Variants in ERC2 observed in about 807,000 individuals in gnomAD.
ERC2 encodes ERC protein 2.
A neutral mutation model predicts 114.8 loss-of-function variants in ERC2; 42 were observed. The ratio of observed to expected loss-of-function variants is 0.37; its 90% CI spans 0.29 to 0.47. The LOEUF is 0.47. Ranked by LOEUF, ERC2 falls within the 20% of genes least tolerant of loss-of-function variation. The probability of loss-of-function intolerance (pLI) is 0.99; values close to 1 mark genes in which losing one functional copy is unlikely to be tolerated. For synonymous variants in ERC2, 454 were observed against 425.5 expected, an observed-to-expected ratio of 1.07 and a Z score of -0.82; for missense variants, 939 against 1,150.7, an observed-to-expected ratio of 0.82 and a Z score of 2.66.
At chr3:56,026,500 G>A (rs2074060442) in intron 7 of ERC2, among the ~76,000 whole-genome samples, 1 of 152,148 alleles carries the variant, frequency 6.6e-6, no homozygotes, top group Non-Finnish European at 1.5e-5. Context: ...ACAACTTTCA[G>A]CTAATATAAC....
chr3:55,847,853 C>T (rs940657523), intron 14 of ERC2, among the ~76,000 whole-genome samples: 12 of 152,114 alleles, frequency 7.9e-5, no homozygotes, highest in East Asian at 1.9e-4. Flanking sequence ...GGCTGGAGTG[C>T]GGTGGTGCGA....
intron 3 of ERC2, among the ~76,000 whole-genome samples, chr3:56,207,719 C>T (rs779476025): frequency 1.7e-4 from 26 of 152,256 alleles, no homozygotes; most frequent in Non-Finnish European, 3.4e-4. Context: ...CAAAAGGATA[C>T]ATGCAACCTC....
At chr3:56,324,720 G>A (rs1264614071) in intron 2 of ERC2, among the ~76,000 whole-genome samples, 1 of 152,086 alleles carries the variant, frequency 6.6e-6, no homozygotes, top group East Asian at 1.9e-4. Context: ...ACAGAAACAA[G>A]ATGTAACTGA....
At chr3:55,569,752 A>C (rs1202934636) in intron 17 of ERC2, among the ~76,000 whole-genome samples, 1 of 152,206 alleles carries the variant, frequency 6.6e-6, no homozygotes, top group Non-Finnish European at 1.5e-5. Context: ...TTAAAAAATT[A>C]CATGACATAT....
chr3:56,238,471 G>C (rs1420540345), intron 3 of ERC2, among the ~76,000 whole-genome samples: 1 of 152,184 alleles, frequency 6.6e-6, no homozygotes, highest in Non-Finnish European at 1.5e-5. Flanking sequence ...ATTACCACCT[G>C]CTCAGGTTTG....
chr3:55,557,930 T>A (rs546520258), intron 17 of ERC2, among the ~76,000 whole-genome samples: 2 of 152,312 alleles, frequency 1.3e-5, no homozygotes, highest in South Asian at 4.1e-4. Context: ...AGTACAGGAG[T>A]TAAAGACAAG....
intron 17 of ERC2, among the ~76,000 whole-genome samples, chr3:55,525,266 TCAATTCAA>T (rs2053235650): frequency 6.6e-6 from 1 of 152,226 alleles, no homozygotes; most frequent in Non-Finnish European, 1.5e-5. Flanking sequence ...ATTCAGTTCT[TCAATTCAA>T]CAAGCAATCA....
intron 17 of ERC2, among the ~76,000 whole-genome samples, chr3:55,676,873 A>G (rs1344741919): frequency 6.6e-6 from 1 of 152,184 alleles, no homozygotes; most frequent in East Asian, 1.9e-4. Context: ...CCTCTGGCCC[A>G]GTGGTAATTT....
Position 55,850,967 on chromosome 3 carries a change from A to T in ERC2, c.2564+37422T>A, listed in dbSNP as rs1321318877. Among the ~76,000 whole-genome samples the T allele has an allele frequency of 2.0e-5, 3 of 151,288 alleles. No individual in the cohort carries two copies. In the East Asian group the frequency reaches 5.9e-4, roughly 30 times the overall value. On this transcript the variant is annotated intron_variant, in intron 14 of 17. Transcript: ENST00000288221. ...GCCTTCTAGCCTGACTTCCCCTGGG[A>T]CTTGTATTTGCCTTCCAAGTCTGAT... is the stretch of plus-strand genomic sequence containing the variant.
intron 4 of ERC2, among the ~76,000 whole-genome samples, chr3:56,156,532 A>G (rs2149975367): frequency 6.6e-6 from 1 of 152,012 alleles, no homozygotes; most frequent in African/African-American, 2.4e-5. Context: ...GAATTTGGGG[A>G]CCCCTAGGTA....
At position 55,962,238 on chromosome 3, in the gene ERC2, A is replaced by G. The variant is rs115945602; in HGVS notation, c.2268-11678T>C. Reference sequence around the variant, plus strand: ...CACAGCAGACTGATGGCTTGTTCTCATTTATGCTGCTGAGAAAGTCTTTCC... The same window carrying G: ...CACAGCAGACTGATGGCTTGTTCTCGTTTATGCTGCTGAGAAAGTCTTTCC... On this transcript the variant is annotated intron_variant, in intron 12 of 17. Transcript: ENST00000288221. 8.0e-3 allele frequency among the ~76,000 whole-genome samples: 1,213 copies of G among 152,288 alleles called. 16 individuals are homozygous for G. The highest frequency in any genetic ancestry group is 0.027 in the African/African-American group (1,121 of 41,558).
intron 7 of ERC2, among the ~76,000 whole-genome samples, chr3:56,048,552 G>T (rs746970729): frequency 1.3e-5 from 2 of 152,114 alleles, no homozygotes; most frequent in Non-Finnish European, 2.9e-5. Context: ...TATTAGCACC[G>T]CAGGTCCAGT....
At chr3:56,129,494 G>A (rs2080077576) in intron 6 of ERC2, among the ~76,000 whole-genome samples, 4 of 152,082 alleles carry the variant, frequency 2.6e-5, no homozygotes, top group Non-Finnish European at 2.9e-5. Flanking sequence ...ATGTGAACTC[G>A]GGGGTCAGTA....
intron 13 of ERC2, among the ~76,000 whole-genome samples, chr3:55,936,054 C>G (rs528394911): frequency 6.6e-6 from 1 of 152,258 alleles, no homozygotes; most frequent in South Asian, 2.1e-4. Context: ...TATCTTATTA[C>G]CTATCAGGCA....
At chr3:55,831,225 C>A (rs1410384223) in intron 14 of ERC2, among the ~76,000 whole-genome samples, 1 of 149,252 alleles carries the variant, frequency 6.7e-6, no homozygotes, top group African/African-American at 2.5e-5. Flanking sequence ...GGTGGGAGAA[C>A]TGGTCAAGCC....
intron 1 of ERC2, among the ~76,000 whole-genome samples, chr3:56,446,751 G>T (rs572017497): frequency 3.5e-5 from 5 of 143,940 alleles, no homozygotes; most frequent in Non-Finnish European, 7.5e-5. Context: ...TCAGCCTCCC[G>T]AGTAGCTGGG....
chr3:55,717,067 G>A (rs1206168778), intron 15 of ERC2, among the ~76,000 whole-genome samples: 1 of 152,062 alleles, frequency 6.6e-6, no homozygotes, highest in East Asian at 1.9e-4. Flanking sequence ...TTCAGTGAAG[G>A]AGGAAAAAAA....
intron 17 of ERC2, among the ~76,000 whole-genome samples, chr3:55,529,859 T>C (rs1186678905): frequency 6.6e-6 from 1 of 152,228 alleles, no homozygotes; most frequent in Non-Finnish European, 1.5e-5. Flanking sequence ...GTGATTCAAG[T>C]ACTCTGGCCT....
intron 3 of ERC2, among the ~76,000 whole-genome samples, chr3:56,242,456 A>G (rs2051387737): frequency 6.8e-6 from 1 of 148,134 alleles, no homozygotes; most frequent in African/African-American, 2.5e-5. Flanking sequence ...CCCCAAAACT[A>G]TTGAAATTAA....
Sources: gnomAD v4.1 joint callset for allele counts (sites outside exome capture counted in the v4.1 genomes callset) on GRCh38, gnomAD v4.1.1 for gene constraint, MANE v1.5 for transcripts, NCBI Gene and HGNC (gene_info 2026-07-23, HGNC 2026-07-21) for gene names.